Variants in FGD5 observed in about 807,000 individuals in gnomAD.
FGD5 encodes the protein FYVE, RhoGEF and PH domain containing 5.
Under a neutral mutation model 133.4 loss-of-function variants are expected in FGD5, and 28 were observed. That is an observed-to-expected ratio of 0.21 (90% CI 0.16 to 0.29). The LOEUF (loss-of-function observed/expected upper bound fraction) is 0.29, where lower values mean the gene tolerates loss of function less well. Ranked by LOEUF, FGD5 falls within the 10% of genes least tolerant of loss-of-function variation. The probability of loss-of-function intolerance (pLI) is 1.00; values close to 1 mark genes in which losing one functional copy is unlikely to be tolerated. For synonymous variants in FGD5, 810 were observed against 776.5 expected, an observed-to-expected ratio of 1.04 and a Z score of -0.72; for missense variants, 1,858 against 1,895.2, an observed-to-expected ratio of 0.98 and a Z score of 0.36.
At chr3:14,865,602 A>C (rs1428618912) in intron 2 of FGD5, among the ~76,000 whole-genome samples, 1 of 151,772 alleles carries the variant, frequency 6.6e-6, no homozygotes, top group Non-Finnish European at 1.5e-5. Context: ...TGAGCCACGT[A>C]TCTGGCACTG....
rs1438125734 is a variant in FGD5, at chr3:14,870,086, A to AG, written c.2658+5830dup. 2.6e-5 allele frequency among the ~76,000 whole-genome samples: 4 copies of AG among 152,210 alleles called. 1 individual carries two copies. The highest frequency in any genetic ancestry group is 5.9e-5 in the Non-Finnish European group (4 of 68,032). The stretch of plus-strand genomic sequence containing the variant: ...CGCAGAAGGGTTCCAATTCCCAGGG[A>AG]GGGGCTCTTGGATGAGGAAGACACA... On this transcript the variant is annotated intron_variant, in intron 2 of 19. Transcript: ENST00000285046.
Position 14,932,524 on chromosome 3 carries a change from T to C in FGD5, c.4198-53T>C. ...ATCTCAGATTGGAGATAACAGTAAA[T>C]GACTATGCAGAGTGTGGTGTTTAAT... On this transcript the variant is annotated intron_variant, in intron 18 of 19. Coordinates refer to ENST00000285046, the MANE Select transcript of FGD5 (RefSeq NM_152536.4). 5 of 1,574,390 alleles carry C rather than the reference T, an allele frequency of 3.2e-6. No individual in the cohort carries two copies. In the South Asian group the frequency reaches 4.7e-5, roughly 15 times the overall value.
At chr3:14,865,584 C>T (rs1231045279) in intron 2 of FGD5, among the ~76,000 whole-genome samples, 1 of 152,122 alleles carries the variant, frequency 6.6e-6, no homozygotes, top group South Asian at 2.1e-4. Flanking sequence ...CTCTTCCTCT[C>T]TAGGTACTGA....
chr3:14,859,627 G>A (rs1006779046), intron 1 of FGD5, among the ~76,000 whole-genome samples: 4 of 151,910 alleles, frequency 2.6e-5, no homozygotes, highest in Non-Finnish European at 5.9e-5. Flanking sequence ...AAAGAAGAAA[G>A]GTTACTCTTA....
chr3:14,904,856 C>T (rs951440730), intron 9 of FGD5, among the ~76,000 whole-genome samples: 2 of 152,084 alleles, frequency 1.3e-5, no homozygotes, highest in African/African-American at 2.4e-5. Flanking sequence ...TTGTAGAGAT[C>T]GAGGTCCCAC....
intron 2 of FGD5, among the ~76,000 whole-genome samples, chr3:14,875,573 C>G (rs1311808111): frequency 6.6e-6 from 1 of 152,130 alleles, no homozygotes; most frequent in Non-Finnish European, 1.5e-5. Flanking sequence ...GGGCCCCTTT[C>G]TGTAAGCGCT....
Position 14,820,848 on chromosome 3 carries a change from G to A in FGD5, c.1777G>A (p.Gly593Arg). ...LSLSCVIGSS[G>R]SFSQRNHLPS... ...TCTGTCGTGTGTAATTGGCTCCTCT[G>A]GGAGTTTCTCCCAGAGAAACCACCT... The change falls in exon 1 of 20, where the codon GGG becomes AGG. Residue 593 changes from glycine (G) to arginine (R), a missense_variant. Transcript: ENST00000285046. The A allele has an allele frequency of 9.3e-6, 15 of 1,613,666 alleles. No homozygotes were observed. Among genetic ancestry groups the A allele is most frequent in the Non-Finnish European group, 1.2e-5 (14 of 1,179,808 alleles).
At chr3:14,906,517 G>A (rs1408472806) in intron 9 of FGD5, among the ~76,000 whole-genome samples, 2 of 152,228 alleles carry the variant, frequency 1.3e-5, no homozygotes, top group African/African-American at 2.4e-5. Flanking sequence ...ATGAGAGAAG[G>A]CCTGAGGAAG....
chr3:14,829,744 C>A (rs544640232), intron 1 of FGD5, among the ~76,000 whole-genome samples: 2 of 152,020 alleles, frequency 1.3e-5, no homozygotes, highest in Non-Finnish European at 2.9e-5. Context: ...CCATCCAGAC[C>A]GAGAATAGCG....
intron 1 of FGD5, among the ~76,000 whole-genome samples, chr3:14,833,352 C>G (rs1369928971): frequency 3.3e-5 from 5 of 152,160 alleles, no homozygotes; most frequent in Non-Finnish European, 7.3e-5. Flanking sequence ...AAGGCATAAC[C>G]CAAGAACTTG....
In FGD5 at chr3:14,922,425, G is replaced by T; in HGVS notation, c.3684G>T (p.Leu1228=). The T allele has an allele frequency of 6.4e-7, 1 of 1,568,374 alleles. No individual in the cohort carries two copies. The highest frequency in any genetic ancestry group is 2.4e-5 in the East Asian group (1 of 42,260). Residue 1228 remains leucine (L), a synonymous_variant, in exon 15 of 20, where the codon CTG becomes CTT. Transcript: ENST00000285046. This position sits in a 1 kb window ranked among gnomAD's most constrained non-coding sequence, Gnocchi z 4.1. ...TGTTGCTGCAGATACGAGAGAGGCT[G>T]GGGGTTAGCCTTGGGGAGAGGCCCC... ...FHHSVEIRER[L]GVSLGERPPT...
chr3:14,812,738 G>T (rs2036312479), intron 1 of FGD5, among the ~76,000 whole-genome samples: 2 of 152,168 alleles, frequency 1.3e-5, no homozygotes, highest in South Asian at 2.1e-4. Flanking sequence ...CCTTAAGCAG[G>T]TTATTCAACC....
chr3:14,909,374 C>T (rs1323473552), intron 10 of FGD5, among the ~76,000 whole-genome samples: 1 of 152,254 alleles, frequency 6.6e-6, no homozygotes, highest in African/African-American at 2.4e-5. Context: ...ATAAATGCTG[C>T]TGTGTGCTAA....
chr3:14,900,329 G>C, intron 7 of FGD5, 74 bp from the exon 8 acceptor site: 1 of 1,455,922 alleles, frequency 6.9e-7, no homozygotes, highest in East Asian at 2.3e-5. Flanking sequence ...GGCAAGAGAG[G>C]GGGTGGCCAC....
At chr3:14,877,295 G>T (rs1259735942) in intron 2 of FGD5, among the ~76,000 whole-genome samples, 1 of 152,228 alleles carries the variant, frequency 6.6e-6, no homozygotes, top group Non-Finnish European at 1.5e-5. Flanking sequence ...ATCCATCATC[G>T]CAGAGTCACT....
intron 4 of FGD5, among the ~76,000 whole-genome samples, chr3:14,884,145 G>A (rs1052549705): frequency 9.2e-5 from 14 of 152,180 alleles, no homozygotes; most frequent in African/African-American, 3.4e-4. Flanking sequence ...CCTTGTACAT[G>A]GTGAACAGCT....
chr3:14,812,498 C>T (rs1467237103), intron 1 of FGD5, among the ~76,000 whole-genome samples: 1 of 152,202 alleles, frequency 6.6e-6, no homozygotes, highest in Non-Finnish European at 1.5e-5. Context: ...TCGGAATAAA[C>T]TTAGAGGCAG....
At chr3:14,888,964 C>CAA (rs2037974392) in intron 4 of FGD5, among the ~76,000 whole-genome samples, 2 of 152,222 alleles carry the variant, frequency 1.3e-5, no homozygotes, top group Admixed American at 1.3e-4. Context: ...GGATGGGCAG[C>CAA]AATCTATGTT....
chr3:14,849,715 A>G (rs2037121869), intron 1 of FGD5, among the ~76,000 whole-genome samples: 1 of 152,072 alleles, frequency 6.6e-6, no homozygotes. Context: ...CTCTGAAACC[A>G]CATTCCCTGT....
Sources: allele counts gnomAD v4.1 joint callset (sites outside exome capture counted in the v4.1 genomes callset), GRCh38; gene constraint gnomAD v4.1.1; non-coding constraint Gnocchi (gnomAD v3.1); transcripts MANE v1.5; gene names NCBI Gene and HGNC (gene_info 2026-07-23, HGNC 2026-07-21).